Variants in EGFLAM observed in about 807,000 individuals in gnomAD.
EGFLAM encodes the protein EGF like, fibronectin type III and laminin G domains.
A neutral mutation model predicts 113.1 loss-of-function variants in EGFLAM; 79 were observed. The ratio of observed to expected loss-of-function variants is 0.70; its 90% CI spans 0.58 to 0.84. The LOEUF (loss-of-function observed/expected upper bound fraction) is 0.84, where lower values mean the gene tolerates loss of function less well. EGFLAM is among the 40% of genes least tolerant of loss of function. The probability of loss-of-function intolerance (pLI) is 0.00; values close to 1 mark genes in which losing one functional copy is unlikely to be tolerated. For missense variants in EGFLAM, 1,265 were observed against 1,291.6 expected (o/e 0.98, Z 0.32); for synonymous variants, 504 against 487.6 (o/e 1.03, Z -0.44).
chr5:38,428,629 A>G (rs1187718181), intron 14 of EGFLAM, among the ~76,000 whole-genome samples: 1 of 152,186 alleles, frequency 6.6e-6, no homozygotes, highest in Non-Finnish European at 1.5e-5. Flanking sequence ...GACCAGAAAG[A>G]TCCAGGAGAG....
chr5:38,328,322 G>A (rs2561127), intron 1 of EGFLAM, among the ~76,000 whole-genome samples: 1 of 152,158 alleles, frequency 6.6e-6, no homozygotes, highest in East Asian at 1.9e-4. Flanking sequence ...CCATGATCCA[G>A]TCACCTTCCA....
chr5:38,455,084 C>A (rs1042550968), intron 19 of EGFLAM, among the ~76,000 whole-genome samples: 2 of 152,158 alleles, frequency 1.3e-5, no homozygotes, highest in African/African-American at 4.8e-5. Context: ...GTGAACACTG[C>A]CCGCTTAGTT....
At chr5:38,413,087 T>A (rs1298610849) in intron 11 of EGFLAM, among the ~76,000 whole-genome samples, 1 of 151,808 alleles carries the variant, frequency 6.6e-6, no homozygotes, top group East Asian at 1.9e-4. Context: ...AGTGGCATAA[T>A]CATGGCTCAC....
chr5:38,372,495 G>C (rs926137011), intron 6 of EGFLAM, among the ~76,000 whole-genome samples: 11 of 152,140 alleles, frequency 7.2e-5, no homozygotes, highest in African/African-American at 2.7e-4. Context: ...CACTGATCTG[G>C]TCTTAGAGTT....
chr5:38,405,952 A>T, intron 6 of EGFLAM, 174 bp from the exon 7 acceptor site: 1 of 623,470 alleles, frequency 1.6e-6, no homozygotes, highest in Non-Finnish European at 2.9e-6. Context: ...ATGAGAGGAA[A>T]CTTTTTTTAT....
At chr5:38,358,463 A>AAAAAG (rs1739826826) in intron 5 of EGFLAM, among the ~76,000 whole-genome samples, 3 of 151,462 alleles carry the variant, frequency 2.0e-5, no homozygotes, top group East Asian at 4.0e-4. Flanking sequence ...AAAAAAAAAA[A>AAAAAG]AAAAAGATTA....
intron 3 of EGFLAM, among the ~76,000 whole-genome samples, chr5:38,340,265 C>A (rs1739302207): frequency 6.6e-6 from 1 of 152,188 alleles, no homozygotes; most frequent in Non-Finnish European, 1.5e-5. Flanking sequence ...TGGTCAGAGT[C>A]ACTTAACCTG....
At chr5:38,262,907 GT>G (rs1333817457) in intron 1 of EGFLAM, among the ~76,000 whole-genome samples, 2 of 152,158 alleles carry the variant, frequency 1.3e-5, no homozygotes, top group Non-Finnish European at 2.9e-5. Context: ...TCACCAAACT[GT>G]TTTCCAAAGT....
intron 15 of EGFLAM, 35 bp downstream of exon 15, chr5:38,431,323 T>G (rs1372102243): frequency 5.6e-6 from 9 of 1,598,056 alleles, no homozygotes; most frequent in Admixed American, 1.7e-5. Flanking sequence ...TGATGGTTAG[T>G]GTGAGCCAGA....
intron 6 of EGFLAM, among the ~76,000 whole-genome samples, chr5:38,395,188 C>T (rs986242811): frequency 1.7e-4 from 26 of 151,124 alleles, no homozygotes; most frequent in Non-Finnish European, 3.1e-4. Flanking sequence ...AATCTGCCCG[C>T]CTTGGCCTCC....
chr5:38,315,473 T>C (rs956741548), intron 1 of EGFLAM, among the ~76,000 whole-genome samples: 3 of 152,220 alleles, frequency 2.0e-5, no homozygotes, highest in African/African-American at 7.2e-5. Flanking sequence ...ATTTTGTGTT[T>C]AAAAAGTTTA....
At chr5:38,345,695 G>A (rs79473583) in intron 3 of EGFLAM, 2 of 152,212 alleles carry the variant, frequency 1.3e-5, no homozygotes. Context: ...GAAATGAAGT[G>A]CAGGAGAGAT....
At chr5:38,457,183 AT>A (rs776005200) in intron 19 of EGFLAM, among the ~76,000 whole-genome samples, 23 of 152,306 alleles carry the variant, frequency 1.5e-4, no homozygotes, top group Non-Finnish European at 2.9e-4. Flanking sequence ...TTTTAGGCAA[AT>A]TCCCTTAATC....
At chr5:38,382,872 T>A (rs1349281612) in intron 6 of EGFLAM, among the ~76,000 whole-genome samples, 1 of 152,184 alleles carries the variant, frequency 6.6e-6, no homozygotes, top group Non-Finnish European at 1.5e-5. Context: ...GCATCTACCA[T>A]ATTTTAAAAT....
chr5:38,306,940 G>T (rs760621969), intron 1 of EGFLAM, among the ~76,000 whole-genome samples: 1 of 152,220 alleles, frequency 6.6e-6, no homozygotes, highest in East Asian at 1.9e-4. Context: ...CAATAAACCC[G>T]GCTGGCAGCA....
chr5:38,319,051 A>G (rs1215873654), intron 1 of EGFLAM, among the ~76,000 whole-genome samples: 1 of 152,144 alleles, frequency 6.6e-6, no homozygotes, highest in Non-Finnish European at 1.5e-5. Flanking sequence ...TGAGATGGTG[A>G]GAATTCATAT....
At chr5:38,418,927 G>A (rs1741742469) in intron 12 of EGFLAM, among the ~76,000 whole-genome samples, 1 of 152,186 alleles carries the variant, frequency 6.6e-6, no homozygotes, top group Admixed American at 6.5e-5. Context: ...TACTAGAGCT[G>A]CCATAACAAA....
At position 38,409,113 on chromosome 5, in the gene EGFLAM, T is replaced by A; in HGVS notation, c.1349+9T>A. The A allele has an allele frequency of 6.4e-7, 1 of 1,554,618 alleles. No individual in the cohort carries two copies. The highest frequency in any genetic ancestry group is 8.7e-7 in the Non-Finnish European group (1 of 1,148,328). On this transcript the variant is annotated intron_variant, in intron 10 of 21. Transcript: ENST00000322350. ...CGCTCCCTGCAGTTCAGGTAATTCC[T>A]GCCAAAAGCCTCACACTCTTTTTTT...
intron 1 of EGFLAM, among the ~76,000 whole-genome samples, chr5:38,281,581 C>A (rs1758022523): frequency 1.3e-5 from 2 of 152,138 alleles, no homozygotes; most frequent in African/African-American, 4.8e-5. Flanking sequence ...AGTCTCAATG[C>A]CTCTTGTACC....
Sources: gnomAD v4.1 joint callset for allele counts (sites outside exome capture counted in the v4.1 genomes callset) on GRCh38, gnomAD v4.1.1 for gene constraint, MANE v1.5 for transcripts, NCBI Gene and HGNC (gene_info 2026-07-23, HGNC 2026-07-21) for gene names.